EIPR1: variants seen among roughly 807,000 people sequenced by gnomAD.
EIPR1 encodes the protein EARP and GARP complex-interacting protein 1.
EIPR1 carries 25 observed loss-of-function variants against 48.1 expected under a neutral mutation model. That is an observed-to-expected ratio of 0.52 (90% CI 0.38 to 0.73). The LOEUF is 0.73. Ranked by LOEUF, EIPR1 falls within the 30% of genes least tolerant of loss-of-function variation. The probability of loss-of-function intolerance (pLI) is 0.00; values close to 1 mark genes in which losing one functional copy is unlikely to be tolerated. For missense variants in EIPR1, 415 were observed against 506.2 expected, an observed-to-expected ratio of 0.82 and a Z score of 1.73; for synonymous variants, 204 against 201.9, an observed-to-expected ratio of 1.01 and a Z score of -0.09.
At chr2:3,229,256 A>G (rs1029509596) in intron 4 of EIPR1, among the ~76,000 whole-genome samples, 33 of 152,274 alleles carry the variant, frequency 2.2e-4, no homozygotes, top group Non-Finnish European at 4.0e-4. Flanking sequence ...CTTGAAAACA[A>G]TAAGAGCACA....
chr2:3,219,111 C>A lies in EIPR1; in HGVS notation c.417-4863G>T, dbSNP rs575038675. Among the ~76,000 whole-genome samples, 32 of 149,566 alleles carry A rather than the reference C, an allele frequency of 2.1e-4. 2 individuals are homozygous for A. Among genetic ancestry groups the A allele is most frequent in the Non-Finnish European group, 3.0e-4 (20 of 67,556 alleles). ...GCATTCACAGTGACTCAGGTGCACA[C>A]CCAGCATGGCCCTGGTATACTCTAG... On this transcript the variant is annotated intron_variant, in intron 4 of 8. Coordinates refer to ENST00000382125, the MANE Select transcript of EIPR1 (RefSeq NM_003310.5).
intron 3 of EIPR1, among the ~76,000 whole-genome samples, chr2:3,283,590 G>A (rs1218998993): frequency 2.0e-5 from 3 of 152,230 alleles, no homozygotes; most frequent in African/African-American, 4.8e-5. Flanking sequence ...TGCAAAGGAC[G>A]CCCAGACGGG....
chr2:3,219,376 C>T (rs1340576949), intron 4 of EIPR1, among the ~76,000 whole-genome samples: 1 of 150,882 alleles, frequency 6.6e-6, no homozygotes, highest in Admixed American at 6.6e-5. Flanking sequence ...GCACACCCAA[C>T]ATGGCCCTGA....
chr2:3,205,228 G>C (rs1436222694), intron 5 of EIPR1, among the ~76,000 whole-genome samples: 1 of 152,188 alleles, frequency 6.6e-6, no homozygotes. Flanking sequence ...CCCATCCTCA[G>C]GGACTGACAC....
chr2:3,339,394 C>G (rs562357922), intron 2 of EIPR1, among the ~76,000 whole-genome samples: 2 of 152,236 alleles, frequency 1.3e-5, no homozygotes, highest in Non-Finnish European at 2.9e-5. Flanking sequence ...ACTGTCTCCA[C>G]GATACCCAGT....
At chr2:3,253,355 G>A (rs113231473) in intron 4 of EIPR1, among the ~76,000 whole-genome samples, 12 of 152,032 alleles carry the variant, frequency 7.9e-5, no homozygotes, top group Non-Finnish European at 1.6e-4. Flanking sequence ...GCTGCGCCCC[G>A]ACCACCTTGG....
At chr2:3,315,246 C>G (rs74171403) in intron 3 of EIPR1, among the ~76,000 whole-genome samples, 790 of 13,976 alleles carry the variant, frequency 0.057, 21 homozygotes, top group East Asian at 0.067. Context: ...CCCATACACA[C>G]CCCCTACCAC....
intron 4 of EIPR1, among the ~76,000 whole-genome samples, chr2:3,235,467 C>CCCA (rs1330263951): frequency 2.0e-5 from 3 of 152,208 alleles, no homozygotes; most frequent in Non-Finnish European, 4.4e-5. Flanking sequence ...CACACACCCC[C>CCCA]CAATAGCCAG....
intron 3 of EIPR1, among the ~76,000 whole-genome samples, chr2:3,307,629 T>C (rs4854198): frequency 0.24 from 36,376 of 152,184 alleles, 4,514 homozygotes; most frequent in Middle Eastern, 0.37. Flanking sequence ...CTCTCGCTCA[T>C]GTGCCAGCTA....
At chr2:3,230,321 A>T (rs1433020289) in intron 4 of EIPR1, among the ~76,000 whole-genome samples, 1 of 152,190 alleles carries the variant, frequency 6.6e-6, no homozygotes, top group East Asian at 1.9e-4. Flanking sequence ...CAGCCTGCAC[A>T]CATGACATTT....
chr2:3,278,451 G>A lies in EIPR1; in HGVS notation c.260-20996C>T, dbSNP rs557408478. On this transcript the variant is annotated intron_variant, in intron 3 of 8. Transcript: ENST00000382125. ...CTCTGAGAGAGTACCCTCCCTCCGTGCAGAGCTGCTCTGCCCAGGGCACCA... is the reference window on the plus strand; with the variant it reads ...CTCTGAGAGAGTACCCTCCCTCCGTACAGAGCTGCTCTGCCCAGGGCACCA... 1.5e-3 allele frequency among the ~76,000 whole-genome samples: 233 copies of A among 152,264 alleles called. 1 individual carries two copies. Among genetic ancestry groups the A allele is most frequent in the African/African-American group, 5.1e-3 (213 of 41,562 alleles).
At chr2:3,231,915 ATTC>A (rs1187695884) in intron 4 of EIPR1, among the ~76,000 whole-genome samples, 1 of 152,242 alleles carries the variant, frequency 6.6e-6, no homozygotes. Context: ...ACAAACATTA[ATTC>A]TTCTTAAAAT....
At chr2:3,240,106 A>AT (rs1666550371) in intron 4 of EIPR1, among the ~76,000 whole-genome samples, 1 of 93,824 alleles carries the variant, frequency 1.1e-5, no homozygotes, top group Non-Finnish European at 2.2e-5. Context: ...AAGCCAGCAG[A>AT]CCCTTCCTAA....
chr2:3,309,136 A>G (rs1669044258), intron 3 of EIPR1, among the ~76,000 whole-genome samples: 2 of 152,242 alleles, frequency 1.3e-5, no homozygotes, highest in African/African-American at 4.8e-5. Context: ...GGTTGGCGAA[A>G]AAATTACACC....
chr2:3,371,256 C>T (rs1252422625), intron 1 of EIPR1, among the ~76,000 whole-genome samples: 4 of 152,168 alleles, frequency 2.6e-5, no homozygotes, highest in Non-Finnish European at 5.9e-5. Flanking sequence ...CATGGAAAGG[C>T]ATAACCGTAC....
At chr2:3,254,350 C>G (rs1423918765) in intron 4 of EIPR1, among the ~76,000 whole-genome samples, 1 of 152,216 alleles carries the variant, frequency 6.6e-6, no homozygotes, top group Non-Finnish European at 1.5e-5. Context: ...AATAAAACTT[C>G]CTGTTCATAC....
Position 3,364,450 on chromosome 2 carries a change from T to G in EIPR1, c.43-9817A>C, listed in dbSNP as rs565860052. On this transcript the variant is annotated intron_variant, in intron 1 of 8. Coordinates refer to ENST00000382125, the MANE Select transcript of EIPR1 (RefSeq NM_003310.5). ...TTTGAGACCAGCCTGGGCAACATGA[T>G]GAAATCCCATCTCTACAAAAAATAC... Among the ~76,000 whole-genome samples, 13 of 151,910 alleles carry G rather than the reference T, an allele frequency of 8.6e-5. No homozygotes were observed. In the South Asian group the frequency reaches 2.7e-3, roughly 32 times the overall value.
At chr2:3,289,880 T>C (rs1349874669) in intron 3 of EIPR1, among the ~76,000 whole-genome samples, 1 of 152,196 alleles carries the variant, frequency 6.6e-6, no homozygotes, top group East Asian at 1.9e-4. Context: ...CCCACCTTGA[T>C]CCACGCCTCT....
intron 1 of EIPR1, among the ~76,000 whole-genome samples, chr2:3,369,302 A>T (rs1324718368): frequency 2.0e-5 from 3 of 152,258 alleles, no homozygotes; most frequent in Non-Finnish European, 4.4e-5. Flanking sequence ...TCCCAGCGTG[A>T]GCAACGCAGA....
Sources: gnomAD v4.1 joint callset for allele counts (sites outside exome capture counted in the v4.1 genomes callset) on GRCh38, gnomAD v4.1.1 for gene constraint, MANE v1.5 for transcripts, NCBI Gene and HGNC (gene_info 2026-07-23, HGNC 2026-07-21) for gene names.